Variants in AGBL1 observed in about 807,000 individuals in gnomAD.
AGBL1 encodes cytosolic carboxypeptidase 4.
In AGBL1, 130 loss-of-function variants were observed where a neutral mutation model predicts 118.9. The observed-to-expected ratio is 1.09, with a 90% CI of 0.95 to 1.26. The LOEUF (loss-of-function observed/expected upper bound fraction) is 1.26. Ranked by LOEUF, AGBL1 falls within the 50% of genes most tolerant of loss-of-function variation. The pLI, the probability that AGBL1 is intolerant of heterozygous loss-of-function variation, is 0.00. For missense variants in AGBL1, 1,584 were observed against 1,298.1 expected, an observed-to-expected ratio of 1.22 and a Z score of -3.38; for synonymous variants, 555 against 478.9, an observed-to-expected ratio of 1.16 and a Z score of -2.08.
At chr15:86,901,572 A>G (rs2080212614) in intron 22 of AGBL1, among the ~76,000 whole-genome samples, 1 of 152,266 alleles carries the variant, frequency 6.6e-6, no homozygotes, top group Middle Eastern at 3.4e-3. Context: ...GAGTCCTAAG[A>G]CAAATAGAGC....
intron 23 of AGBL1, among the ~76,000 whole-genome samples, chr15:86,954,736 A>G (rs1197242584): frequency 6.6e-6 from 1 of 152,064 alleles, no homozygotes; most frequent in East Asian, 1.9e-4. Context: ...CCATTCCACA[A>G]CCTCATCATC....
chr15:86,310,858 A>G (rs28774378), intron 17 of AGBL1, among the ~76,000 whole-genome samples: 2,876 of 152,298 alleles, frequency 0.019, 101 homozygotes, highest in African/African-American at 0.067. Flanking sequence ...ATTCAAACGT[A>G]TGTGAGGATT....
At chr15:86,633,396 A>G (rs983861142) in intron 21 of AGBL1, among the ~76,000 whole-genome samples, 1 of 152,120 alleles carries the variant, frequency 6.6e-6, no homozygotes, top group Non-Finnish European at 1.5e-5. Flanking sequence ...ATCTCTATCA[A>G]CAGGACCTGT....
intron 18 of AGBL1, among the ~76,000 whole-genome samples, chr15:86,407,917 G>A (rs2081553837): frequency 6.6e-6 from 1 of 152,090 alleles, no homozygotes; most frequent in African/African-American, 2.4e-5. Context: ...TATGCCTATG[G>A]GTGTGAGTTT....
chr15:87,013,224 T>A (rs1438256778), intron 24 of AGBL1, among the ~76,000 whole-genome samples: 1 of 152,158 alleles, frequency 6.6e-6, no homozygotes, highest in African/African-American at 2.4e-5. Flanking sequence ...CATAAAAAAC[T>A]TTCAAATTTA....
At chr15:86,772,299 A>G (rs2078193299) in intron 22 of AGBL1, among the ~76,000 whole-genome samples, 1 of 152,086 alleles carries the variant, frequency 6.6e-6, no homozygotes, top group Non-Finnish European at 1.5e-5. Flanking sequence ...GCTGTTATAG[A>G]AATGAGCATA....
At chr15:86,229,774 A>G (rs1271622189) in intron 6 of AGBL1, among the ~76,000 whole-genome samples, 2 of 152,208 alleles carry the variant, frequency 1.3e-5, no homozygotes, top group Non-Finnish European at 2.9e-5. Context: ...CAATGGGATT[A>G]TGCCTGATTT....
At chr15:86,218,819 C>G (rs1413185388) in intron 5 of AGBL1, among the ~76,000 whole-genome samples, 3 of 152,156 alleles carry the variant, frequency 2.0e-5, no homozygotes, top group African/African-American at 7.2e-5. Flanking sequence ...AGGTATTTTA[C>G]CAAGAACCTG....
intron 4 of AGBL1, 110 bp downstream of exon 4, chr15:86,154,671 T>C: frequency 7.6e-7 from 1 of 1,315,622 alleles, no homozygotes; most frequent in East Asian, 2.5e-5. Flanking sequence ...GAGATACACA[T>C]GGTGGTCCCA....
At chr15:86,958,331 G>A (rs929444524) in intron 23 of AGBL1, among the ~76,000 whole-genome samples, 7 of 151,972 alleles carry the variant, frequency 4.6e-5, no homozygotes, top group African/African-American at 1.7e-4. Flanking sequence ...TGATCGAAAT[G>A]TCTCCAGACA....
chr15:86,750,245 TTTTTTA>T (rs1567155442), intron 22 of AGBL1, among the ~76,000 whole-genome samples: 2 of 152,080 alleles, frequency 1.3e-5, no homozygotes, highest in African/African-American at 4.8e-5. Flanking sequence ...TGTTTTGTAC[TTTTTTA>T]TTTTTAATTA....
intron 17 of AGBL1, among the ~76,000 whole-genome samples, chr15:86,383,444 C>T (rs188599594): frequency 3.3e-5 from 5 of 151,542 alleles, no homozygotes; most frequent in South Asian, 2.1e-4. Flanking sequence ...AAAAATTAGT[C>T]GGGCATGGTG....
chr15:86,495,011 T>C (rs1170935858), intron 18 of AGBL1, among the ~76,000 whole-genome samples: 1 of 151,776 alleles, frequency 6.6e-6, no homozygotes, highest in Admixed American at 6.6e-5. Flanking sequence ...CCATTCACAA[T>C]CCAATTTTCA....
intron 17 of AGBL1, among the ~76,000 whole-genome samples, chr15:86,378,900 G>GTTTTTTTTT (rs113439108): frequency 6.9e-6 from 1 of 144,112 alleles, no homozygotes; most frequent in Non-Finnish European, 1.5e-5. Context: ...GATCACTTTA[G>GTTTTTTTTT]TTTTTTTTTT....
chr15:86,921,267 G>A (rs569940926), intron 23 of AGBL1, among the ~76,000 whole-genome samples: 5 of 152,280 alleles, frequency 3.3e-5, no homozygotes, highest in Non-Finnish European at 7.3e-5. Flanking sequence ...CCAGCCTGTG[G>A]ATGGGACTTC....
chr15:86,220,979 C>G (rs2078271608), intron 5 of AGBL1, among the ~76,000 whole-genome samples: 2 of 152,084 alleles, frequency 1.3e-5, no homozygotes, highest in Admixed American at 1.3e-4. Flanking sequence ...ACAGGCAGCT[C>G]ACTTGAGGTC....
chr15:87,022,266 C>G (rs1016946379), intron 24 of AGBL1, among the ~76,000 whole-genome samples: 1 of 151,974 alleles, frequency 6.6e-6, no homozygotes. Flanking sequence ...TTATTTAACA[C>G]CCCCCAAAAA....
chr15:86,726,804 C>CA (rs375012073), intron 22 of AGBL1, among the ~76,000 whole-genome samples: 2 of 152,284 alleles, frequency 1.3e-5, no homozygotes, highest in African/African-American at 4.8e-5. Context: ...ATCCTCCTGC[C>CA]TCGGCCTCCC....
chr15:86,183,763 C>G (rs2077585163), intron 5 of AGBL1, among the ~76,000 whole-genome samples: 1 of 152,074 alleles, frequency 6.6e-6, no homozygotes, highest in South Asian at 2.1e-4. Flanking sequence ...AAATGAATCC[C>G]CCAAAAATGC....
Sources: gnomAD v4.1 joint callset for allele counts (sites outside exome capture counted in the v4.1 genomes callset) on GRCh38, gnomAD v4.1.1 for gene constraint, MANE v1.5 for transcripts, NCBI Gene and HGNC (gene_info 2026-07-23, HGNC 2026-07-21) for gene names.